The following PCDH15 variants were observed in gnomAD, a reference collection of about 807,000 sequenced individuals.
PCDH15 encodes the protein protocadherin-15.
Under a neutral mutation model 178.5 loss-of-function variants are expected in PCDH15, and 129 were observed. The ratio of observed to expected loss-of-function variants is 0.72; its 90% confidence interval spans 0.63 to 0.84. The LOEUF (loss-of-function observed/expected upper bound fraction) is 0.84, where lower values mean the gene tolerates loss of function less well. Among genes scored for constraint, PCDH15 ranks in the 40% least tolerant of loss-of-function variants. The pLI is 0.00. For missense variants in PCDH15, 2,230 were observed against 2,099.9 expected (o/e 1.06, Z -1.21); for synonymous variants, 800 against 732.0 (o/e 1.09, Z -1.50).
At chr10:55,273,005 G>A (rs1011524874) in intron 1 of PCDH15, among the ~76,000 whole-genome samples, 3 of 152,052 alleles carry the variant, frequency 2.0e-5, no homozygotes, top group South Asian at 2.1e-4. Context: ...TGTGAAAAAC[G>A]AAGGCAGAAA....
In PCDH15 at chr10:54,257,811, C is replaced by T. The variant is rs1315356025; in HGVS notation, c.877-20880G>A. ...AATAAAAGCATGCTATAGAAGCATTCGTCTTGAAACAATATACTTGCCAAA... is the reference window on the plus strand; with the variant it reads ...AATAAAAGCATGCTATAGAAGCATTTGTCTTGAAACAATATACTTGCCAAA... On this transcript the variant is annotated intron_variant, in intron 8 of 37. Coordinates refer to ENST00000644397, the MANE Select transcript of PCDH15 (RefSeq NM_001384140.1). 2.6e-5 allele frequency among the ~76,000 whole-genome samples: 4 copies of T among 152,070 alleles called. 1 individual carries two copies. The highest frequency in any genetic ancestry group is 4.1e-4 in the South Asian group (2 of 4,820).
Position 54,555,666 on chromosome 10 carries a change from G to A in PCDH15, c.92-27789C>T, listed in dbSNP as rs377246712. ...GCAGGAGAATAGCTTGAACCCAGGAGGCAGAGGTTGCATTGAACTGAGATC... is the reference window on the plus strand; with the variant it reads ...GCAGGAGAATAGCTTGAACCCAGGAAGCAGAGGTTGCATTGAACTGAGATC... On this transcript the variant is annotated intron_variant, in intron 2 of 37. Transcript: ENST00000644397. 1.2e-4 allele frequency among the ~76,000 whole-genome samples: 18 copies of A among 149,396 alleles called. No homozygotes were observed. In the East Asian group the frequency reaches 3.0e-3, roughly 25 times the overall value.
At chr10:55,246,779 C>T (rs1841689791) in intron 1 of PCDH15, among the ~76,000 whole-genome samples, 1 of 152,114 alleles carries the variant, frequency 6.6e-6, no homozygotes, top group Non-Finnish European at 1.5e-5. Flanking sequence ...TAGGTTTATG[C>T]AGAGAAGATC....
At chr10:55,454,168 C>A (rs1839497223) in intron 2 of PCDH15, among the ~76,000 whole-genome samples, 2 of 152,060 alleles carry the variant, frequency 1.3e-5, no homozygotes, top group South Asian at 4.1e-4. Flanking sequence ...CATTATTATT[C>A]TGATAATCTA....
At chr10:54,332,348 A>ATTAT (rs1343671332) in intron 6 of PCDH15, among the ~76,000 whole-genome samples, 2 of 94,878 alleles carry the variant, frequency 2.1e-5, no homozygotes, top group Non-Finnish European at 4.2e-5. Flanking sequence ...TATTATATAT[A>ATTAT]ATATAATATA....
intron 5 of PCDH15, among the ~76,000 whole-genome samples, chr10:54,348,726 AATAG>A (rs943575490): frequency 1.2e-4 from 18 of 152,322 alleles, no homozygotes; most frequent in East Asian, 7.7e-4. Flanking sequence ...TATTTTCAAA[AATAG>A]ATAGTTATTA....
At chr10:54,978,988 A>C (rs1412669051) in intron 2 of PCDH15, among the ~76,000 whole-genome samples, 1 of 152,214 alleles carries the variant, frequency 6.6e-6, no homozygotes, top group Non-Finnish European at 1.5e-5. Flanking sequence ...TATAAGTGCT[A>C]TAATAAAATG....
chr10:54,988,666 A>G (rs1033281816), intron 2 of PCDH15, among the ~76,000 whole-genome samples: 1 of 152,176 alleles, frequency 6.6e-6, no homozygotes, highest in Non-Finnish European at 1.5e-5. Context: ...TGGCAGAAGA[A>G]ATTTCTAAGC....
chr10:55,576,737 A>AAG (rs1357552987), intron 2 of PCDH15, among the ~76,000 whole-genome samples: 1 of 152,136 alleles, frequency 6.6e-6, no homozygotes, highest in Non-Finnish European at 1.5e-5. Context: ...TATCTAAAAA[A>AAG]AAAATGCCTA....
At chr10:54,541,184 G>C (rs2085178310) in intron 2 of PCDH15, among the ~76,000 whole-genome samples, 2 of 152,032 alleles carry the variant, frequency 1.3e-5, no homozygotes, top group Non-Finnish European at 2.9e-5. Context: ...GCAAGAGAAA[G>C]AAAGAAAATG....
chr10:55,599,191 G>C (rs1209710824), intron 2 of PCDH15: 1 of 152,124 alleles, frequency 6.6e-6, no homozygotes, highest in African/African-American at 2.4e-5. Context: ...AATCAGAGGA[G>C]CTTCTCCAGA....
intron 3 of PCDH15, among the ~76,000 whole-genome samples, chr10:54,462,512 CTTTTTTTTTTT>C (rs562731025): frequency 3.1e-4 from 21 of 66,892 alleles, no homozygotes; most frequent in Admixed American, 4.5e-4. Context: ...TTTTTCTTTT[CTTTTTTTTTTT>C]TTTTTTTTTG....
intron 2 of PCDH15, among the ~76,000 whole-genome samples, chr10:55,571,553 T>A (rs1338341516): frequency 6.6e-6 from 1 of 152,116 alleles, no homozygotes; most frequent in Non-Finnish European, 1.5e-5. Context: ...TACACATCAA[T>A]GTGTACCATA....
At chr10:53,981,068 T>A (rs2134610020) in intron 21 of PCDH15, among the ~76,000 whole-genome samples, 1 of 152,320 alleles carries the variant, frequency 6.6e-6, no homozygotes, top group East Asian at 1.9e-4. Flanking sequence ...GAATAACACA[T>A]GGCAGACAAA....
chr10:54,960,927 A>G (rs1053919861), intron 2 of PCDH15, among the ~76,000 whole-genome samples: 3 of 152,236 alleles, frequency 2.0e-5, no homozygotes, highest in Admixed American at 6.5e-5. Flanking sequence ...ACACATAGGC[A>G]CACAAACTGC....
chr10:54,391,350 C>T (rs1375044457), intron 3 of PCDH15, among the ~76,000 whole-genome samples: 2 of 149,070 alleles, frequency 1.3e-5, no homozygotes, highest in Non-Finnish European at 3.0e-5. Context: ...CCTTAATATG[C>T]ACACTCCAAT....
intron 8 of PCDH15, among the ~76,000 whole-genome samples, chr10:54,307,068 A>G (rs1382173764): frequency 1.0e-4 from 1 of 9,706 alleles, no homozygotes; most frequent in Non-Finnish European, 1.9e-4. Context: ...ATATATATAT[A>G]TATATATATA....
intron 2 of PCDH15, among the ~76,000 whole-genome samples, chr10:54,566,481 T>C (rs1386841022): frequency 1.3e-5 from 2 of 152,168 alleles, no homozygotes; most frequent in Non-Finnish European, 2.9e-5. Context: ...AATCCTCTGT[T>C]CTCTGCCGAT....
chr10:54,629,707 T>C (rs936108686), intron 2 of PCDH15, among the ~76,000 whole-genome samples: 3 of 151,998 alleles, frequency 2.0e-5, no homozygotes, highest in Admixed American at 6.6e-5. Flanking sequence ...CTTTCACCAT[T>C]CCTATTCAAC....
Sources: allele counts gnomAD v4.1 joint callset (sites outside exome capture counted in the v4.1 genomes callset), GRCh38; gene constraint gnomAD v4.1.1; transcripts MANE v1.5; gene names NCBI Gene and HGNC (gene_info 2026-07-23, HGNC 2026-07-21).